The following LMNTD1 variants were observed in gnomAD, a reference collection of about 807,000 sequenced individuals.
LMNTD1 encodes lamin tail domain-containing protein 1.
In LMNTD1, 35 loss-of-function variants were observed where a neutral mutation model predicts 50.9. The observed-to-expected ratio is 0.69, with a 90% CI of 0.53 to 0.91. LMNTD1 has a LOEUF of 0.91. LMNTD1 is among the 40% of genes least tolerant of loss of function. The pLI, the probability that LMNTD1 is intolerant of heterozygous loss-of-function variation, is 0.00. For missense variants in LMNTD1, 470 were observed against 475.5 expected (o/e 0.99, Z 0.11); for synonymous variants, 153 against 161.9 (o/e 0.94, Z 0.42).
intron 1 of LMNTD1, among the ~76,000 whole-genome samples, chr12:25,644,524 A>G (rs887828129): frequency 6.6e-6 from 1 of 152,080 alleles, no homozygotes; most frequent in Non-Finnish European, 1.5e-5. Context: ...AAAAATCCAC[A>G]CACACAGAAA....
intron 9 of LMNTD1, among the ~76,000 whole-genome samples, chr12:25,500,981 C>T (rs1939355250): frequency 6.6e-6 from 1 of 151,628 alleles, no homozygotes; most frequent in African/African-American, 2.4e-5. Context: ...TTGTTTTTGT[C>T]TGTTTGTTTG....
At chr12:25,486,999 C>T (rs9738664) in intron 9 of LMNTD1, among the ~76,000 whole-genome samples, 97,698 of 150,622 alleles carry the variant, frequency 0.65, 32,134 homozygotes, top group East Asian at 0.95. Context: ...GTCTGAGAGA[C>T]AGTTTGTTAT....
chr12:25,490,701 G>T (rs1938854373), intron 9 of LMNTD1, among the ~76,000 whole-genome samples: 1 of 152,148 alleles, frequency 6.6e-6, no homozygotes, highest in Admixed American at 6.6e-5. Context: ...TGCTGAGCCA[G>T]CAATCCTAAT....
At chr12:25,507,067 G>C (rs1002301975) in intron 8 of LMNTD1, among the ~76,000 whole-genome samples, 4 of 151,876 alleles carry the variant, frequency 2.6e-5, no homozygotes, top group Non-Finnish European at 5.9e-5. Context: ...GTAGAGACAG[G>C]GTTTCACCAT....
chr12:25,621,045 G>T (rs1177935778), intron 1 of LMNTD1, among the ~76,000 whole-genome samples: 1 of 152,150 alleles, frequency 6.6e-6, no homozygotes, highest in Non-Finnish European at 1.5e-5. Context: ...CCTAACTACT[G>T]TCCTTATCTG....
rs138461570 is a variant in LMNTD1 at position 25,585,539 on chromosome 12, G to A, written c.59-38985C>T. ...ACATGTAGGCTTATGCACATAATAG[G>A]AAAAGTAATCCTTTTCCCCCCAGGT... On this transcript the variant is annotated intron_variant, in intron 1 of 7. Coordinates refer to the LMNTD1 transcript ENST00000445693. 2.0e-5 allele frequency among the ~76,000 whole-genome samples: 3 copies of A among 152,236 alleles called. No individual in the cohort carries two copies. The East Asian group carries it at 5.8e-4, about 29-fold the overall frequency.
chr12:25,612,933 T>C (rs551781411), intron 1 of LMNTD1, among the ~76,000 whole-genome samples: 1 of 152,248 alleles, frequency 6.6e-6, no homozygotes, highest in African/African-American at 2.4e-5. Flanking sequence ...CAAGTGTTCT[T>C]ATAGGCAGAC....
intron 1 of LMNTD1, among the ~76,000 whole-genome samples, chr12:25,613,926 G>A (rs1271067808): frequency 6.6e-6 from 1 of 151,962 alleles, no homozygotes; most frequent in Non-Finnish European, 1.5e-5. Context: ...CAGCTGAGGG[G>A]CAACTAAGGG....
At chr12:25,583,628 T>C (rs183099658) in intron 1 of LMNTD1, among the ~76,000 whole-genome samples, 116 of 152,312 alleles carry the variant, frequency 7.6e-4, no homozygotes, top group African/African-American at 2.6e-3. Context: ...CCTTGTAATC[T>C]TGTACCTGGG....
chr12:25,519,451 G>T (rs917708680), intron 7 of LMNTD1, among the ~76,000 whole-genome samples: 1 of 151,768 alleles, frequency 6.6e-6, no homozygotes, highest in Non-Finnish European at 1.5e-5. Context: ...AGCCGGGCGT[G>T]GTGGTGGGCG....
At chr12:25,477,163 A>G (rs1217910354) in intron 9 of LMNTD1, among the ~76,000 whole-genome samples, 3 of 152,224 alleles carry the variant, frequency 2.0e-5, no homozygotes, top group Admixed American at 2.0e-4. Flanking sequence ...TCTATGGAGA[A>G]CTATTACATT....
At chr12:25,631,367 A>G (rs568239910) in intron 1 of LMNTD1, among the ~76,000 whole-genome samples, 28 of 152,322 alleles carry the variant, frequency 1.8e-4, no homozygotes, top group African/African-American at 6.7e-4. Context: ...AAACCACCAA[A>G]GCTAAGAACC....
intron 9 of LMNTD1, among the ~76,000 whole-genome samples, chr12:25,487,317 C>T (rs1008203082): frequency 3.0e-5 from 4 of 135,342 alleles, no homozygotes; most frequent in African/African-American, 1.1e-4. Context: ...TCTGGGTGCT[C>T]CTATATTGGG....
At chr12:25,636,009 A>G (rs1223891048) in intron 1 of LMNTD1, among the ~76,000 whole-genome samples, 2 of 152,346 alleles carry the variant, frequency 1.3e-5, no homozygotes, top group East Asian at 3.9e-4. Flanking sequence ...ACTTAAATCT[A>G]AGACCTGAAA....
intron 3 of LMNTD1, 151 bp downstream of exon 3, chr12:25,549,175 A>G (rs902801089): frequency 4.2e-5 from 23 of 551,074 alleles, no homozygotes; most frequent in Non-Finnish European, 6.7e-5. Flanking sequence ...AGTGATGACC[A>G]TAGTTAAGTT....
rs193075029 is a variant in LMNTD1, at chr12:25,477,314, C to T, written c.*23-854G>A. 1.4e-4 allele frequency among the ~76,000 whole-genome samples: 21 copies of T among 151,302 alleles called. No individual in the cohort carries two copies. In the East Asian group the frequency reaches 2.7e-3, roughly 20 times the overall value. On this transcript the variant is annotated intron_variant, in intron 9 of 9. Coordinates refer to ENST00000458174, the MANE Select transcript of LMNTD1 (RefSeq NM_001145728.2). ...CATCTTTGACTTCAGGGGAAAAAGG[C>T]GACAGAGAGAGGGAGAGAGAGAGAA... is the stretch of plus-strand genomic sequence containing the variant.
intron 8 of LMNTD1, among the ~76,000 whole-genome samples, chr12:25,514,577 A>C (rs1259562891): frequency 6.6e-6 from 1 of 151,810 alleles, no homozygotes; most frequent in Non-Finnish European, 1.5e-5. Flanking sequence ...AAAAAGAAAG[A>C]ATGAATAAGA....
rs904403419 is a variant in LMNTD1 at position 25,530,413 on chromosome 12, A to G, written c.492-3458T>C. ...CTGCTCTTATGTCATATTTTCTTTTAAACGTTTCAATAATTTGCTTTGAAC... is the reference window on the plus strand; with the variant it reads ...CTGCTCTTATGTCATATTTTCTTTTGAACGTTTCAATAATTTGCTTTGAAC... On this transcript the variant is annotated intron_variant, in intron 4 of 9. Transcript: ENST00000458174. Among the ~76,000 whole-genome samples, 7 of 152,254 alleles carry G rather than the reference A, an allele frequency of 4.6e-5. No individual in the cohort carries two copies. The East Asian group carries it at 1.4e-3, about 29-fold the overall frequency.
chr12:25,563,866 C>T (rs1043595674), intron 1 of LMNTD1, among the ~76,000 whole-genome samples: 5 of 152,180 alleles, frequency 3.3e-5, no homozygotes, highest in East Asian at 1.9e-4. Flanking sequence ...CCCCCAGCCT[C>T]GCTGCCACCT....
Sources: allele counts gnomAD v4.1 joint callset (sites outside exome capture counted in the v4.1 genomes callset), GRCh38; gene constraint gnomAD v4.1.1; transcripts MANE v1.5; gene names NCBI Gene and HGNC (gene_info 2026-07-23, HGNC 2026-07-21).